CASP4: variants seen among roughly 807,000 people sequenced by gnomAD.
CASP4 encodes the protein caspase-4.
Under a neutral mutation model 41.3 loss-of-function variants are expected in CASP4, and 29 were observed. That is an observed-to-expected ratio of 0.70 (90% CI 0.52 to 0.96). CASP4 has a LOEUF of 0.96. CASP4 is among the 40% of genes least tolerant of loss of function. The probability of loss-of-function intolerance (pLI) is 0.00; values close to 1 mark genes in which losing one functional copy is unlikely to be tolerated. For missense variants in CASP4, 447 were observed against 460.6 expected (o/e 0.97, Z 0.27); for synonymous variants, 185 against 158.4 (o/e 1.17, Z -1.26).
intron 3 of CASP4, chr11:104,951,648 A>C (rs775849953): frequency 1.5e-5 from 8 of 517,538 alleles, no homozygotes; most frequent in Non-Finnish European, 2.8e-5. Context: ...AAATAATTAC[A>C]AGAATAAATA....
Position 104,949,560 on chromosome 11 carries a change from A to G in CASP4, c.764T>C (p.Val255Ala). 6.2e-7 allele frequency: 1 copy of G among 1,613,904 alleles called. No homozygotes were observed. The highest frequency in any genetic ancestry group is 8.5e-7 in the Non-Finnish European group (1 of 1,179,832). ...SLKDKPKVII[V>A]QACRGANRGE... ...GCACTCACCACCTCTGCAGGCCTGGACAATGATGACCTTGGGTTTGTCCTT... is the reference window on the plus strand; with the variant it reads ...GCACTCACCACCTCTGCAGGCCTGGGCAATGATGACCTTGGGTTTGTCCTT... Residue 255 changes from valine to alanine, a missense_variant, in exon 5 of 9, where the codon GTC becomes GCC. Transcript: ENST00000444739.
chr11:104,967,287 AG>A (rs1860995127), intron 1 of CASP4, among the ~76,000 whole-genome samples: 1 of 152,210 alleles, frequency 6.6e-6, no homozygotes, highest in Non-Finnish European at 1.5e-5. Flanking sequence ...AATGTTGTGA[AG>A]TTAGACATAA....
chr11:104,955,910 A>G (rs1177254523), intron 1 of CASP4, among the ~76,000 whole-genome samples: 2 of 152,118 alleles, frequency 1.3e-5, no homozygotes, highest in African/African-American at 4.8e-5. Context: ...AATGACATCT[A>G]AAGAAATCAT....
At chr11:104,949,285 T>C (rs1860545105) in intron 5 of CASP4, 2 of 499,004 alleles carry the variant, frequency 4.0e-6, no homozygotes, top group Non-Finnish European at 7.2e-6. Flanking sequence ...TTTGAGTATT[T>C]CTGTTTAACT....
At chr11:104,944,181 T>C (rs1178977310) in intron 8 of CASP4, 1 of 154,018 alleles carries the variant, frequency 6.5e-6, no homozygotes, top group Non-Finnish European at 1.4e-5. Flanking sequence ...CTCTACAGTG[T>C]AGGATGTATT....
chr11:104,956,659 CATT>C (rs1381903778), intron 1 of CASP4: 2 of 984,856 alleles, frequency 2.0e-6, no homozygotes, highest in Non-Finnish European at 2.4e-6. Context: ...GCTCAGAAAA[CATT>C]AGTGCATTCC....
chr11:104,951,185 T>C (rs550008289), intron 3 of CASP4, 87 bp from the exon 4 acceptor site: 1 of 1,113,422 alleles, frequency 9.0e-7, no homozygotes, highest in African/African-American at 1.6e-5. Flanking sequence ...TTTTCAAGTC[T>C]TCATGCAGCT....
At chr11:104,953,657 T>C (rs370267682) in intron 2 of CASP4, among the ~76,000 whole-genome samples, 1 of 152,156 alleles carries the variant, frequency 6.6e-6, no homozygotes, top group Non-Finnish European at 1.5e-5. Context: ...TCATTTGATA[T>C]AGTGAGGTCT....
chr11:104,948,913 A>G (rs1214789719), intron 5 of CASP4: 1 of 334,226 alleles, frequency 3.0e-6, no homozygotes, highest in Admixed American at 4.4e-5. Context: ...ACCATTTTCT[A>G]GAAAAAAAAT....
intron 3 of CASP4, 40 bp downstream of exon 3, chr11:104,951,856 T>C (rs1860621251): frequency 5.3e-6 from 7 of 1,317,772 alleles, no homozygotes; most frequent in Non-Finnish European, 4.4e-6. Flanking sequence ...AGCAATGATA[T>C]CTCTTCTTTT....
chr11:104,945,650 A>G (rs1448126311), intron 7 of CASP4, among the ~76,000 whole-genome samples: 1 of 152,180 alleles, frequency 6.6e-6, no homozygotes, highest in African/African-American at 2.4e-5. Context: ...CTAATTGGTA[A>G]GTCTACTTAT....
rs1191242853 is a variant in CASP4 at position 104,956,592 on chromosome 11, A to G, written c.8-1591T>C. On this transcript the variant is annotated intron_variant, in intron 1 of 8. Transcript: ENST00000444739. ...CCCCATTCTTAATTCATCAAACTAC[A>G]TTACCTGACAGTTGGTGAAGAGCTT... 4 of 954,908 alleles carry G rather than the reference A, an allele frequency of 4.2e-6. No homozygotes were observed. The Admixed American group carries it at 1.8e-4, about 44-fold the overall frequency. The allele number at this position is 954,908 out of a possible 1,614,324, so 59.2% of individuals were successfully genotyped here.
At chr11:104,967,460 A>G (rs2134664012) in intron 1 of CASP4, among the ~76,000 whole-genome samples, 1 of 152,320 alleles carries the variant, frequency 6.6e-6, no homozygotes, top group East Asian at 1.9e-4. Context: ...GGTAGAAAAA[A>G]TTGTCTGAAA....
intron 1 of CASP4, among the ~76,000 whole-genome samples, chr11:104,966,203 A>C (rs553120693): frequency 2.0e-5 from 3 of 152,292 alleles, no homozygotes; most frequent in African/African-American, 7.2e-5. Flanking sequence ...AGGTGAACCC[A>C]CCTGGTGATT....
chr11:104,944,049 A>T (rs1860389626), intron 8 of CASP4: 1 of 152,188 alleles, frequency 6.6e-6, no homozygotes, highest in East Asian at 1.9e-4. Flanking sequence ...ATAATAACAA[A>T]AGTTACATGG....
chr11:104,960,938 T>G (rs1205717457), intron 1 of CASP4, among the ~76,000 whole-genome samples: 2 of 152,238 alleles, frequency 1.3e-5, no homozygotes, highest in Non-Finnish European at 1.5e-5. Flanking sequence ...ATTTACTGAA[T>G]CAGTAGTCAA....
chr11:104,944,711 T>G, intron 8 of CASP4, 37 bp downstream of exon 8: 3 of 1,304,586 alleles, frequency 2.3e-6, no homozygotes, highest in Non-Finnish European at 3.3e-6. Context: ...ACTCTCTTAT[T>G]TATTTCACAT....
intron 1 of CASP4, 104 bp from the exon 2 acceptor site, chr11:104,955,105 C>T: frequency 9.0e-7 from 1 of 1,105,226 alleles, no homozygotes. Context: ...GAAAGTATGT[C>T]CTACTTCACC....
intron 1 of CASP4, among the ~76,000 whole-genome samples, chr11:104,959,827 G>C (rs114518572): frequency 6.6e-6 from 1 of 152,016 alleles, no homozygotes; most frequent in Non-Finnish European, 1.5e-5. Flanking sequence ...GATTTTATTT[G>C]CTAAACATTT....
Sources: gnomAD v4.1 joint callset for allele counts (sites outside exome capture counted in the v4.1 genomes callset) on GRCh38, gnomAD v4.1.1 for gene constraint, MANE v1.5 for transcripts, NCBI Gene and HGNC (gene_info 2026-07-23, HGNC 2026-07-21) for gene names.